The following ABCA10 variants were observed in gnomAD, a reference collection of about 807,000 sequenced individuals.
ABCA10 encodes ATP binding cassette subfamily A member 10, also known as ATP-binding cassette sub-family A member 10.
Under a neutral mutation model 187.5 loss-of-function variants are expected in ABCA10, and 169 were observed. The ratio of observed to expected loss-of-function variants is 0.90; its 90% CI spans 0.80 to 1.02. ABCA10 has a LOEUF of 1.02. ABCA10 is among the 50% of genes least tolerant of loss of function. The pLI is 0.00. For missense variants in ABCA10, 1,727 were observed against 1,812.4 expected, an observed-to-expected ratio of 0.95 and a Z score of 0.86; for synonymous variants, 574 against 601.8, an observed-to-expected ratio of 0.95 and a Z score of 0.68.
rs755937158 is a variant in ABCA10, at chr17:69,153,986, T to C, written c.3810A>G (p.Ala1270=). ...TGTTGTCATGCTGTTGCCTTACTGA[T>C]GCTCTGCTGCCTTGTAACACCACCT... The part of the protein sequence containing the change: ...AGVVVLQGSR[A]SVRQQHDNSL... Residue 1270 remains alanine, a synonymous_variant, in exon 32 of 39, where the codon GCA becomes GCG. Coordinates refer to ENST00000690296, the MANE Select transcript of ABCA10 (RefSeq NM_001377321.1). 6 of 1,613,824 alleles carry C rather than the reference T, an allele frequency of 3.7e-6. No homozygotes were observed. In the African/African-American group the frequency reaches 8.0e-5, roughly 22 times the overall value.
chr17:69,223,919 T>G (rs1468513), intron 3 of ABCA10, among the ~76,000 whole-genome samples: 83,841 of 151,980 alleles, frequency 0.55, 24,932 homozygotes, highest in Non-Finnish European at 0.68. Flanking sequence ...GCTTACACTG[T>G]GCATACAGGA....
chr17:69,205,598 T>C (rs565165130), intron 9 of ABCA10, among the ~76,000 whole-genome samples: 1 of 152,358 alleles, frequency 6.6e-6, no homozygotes, highest in South Asian at 2.1e-4. Flanking sequence ...GCTAAGTGTG[T>C]TCTTGGCCAG....
chr17:69,192,942 G>T (rs962182607), intron 15 of ABCA10, among the ~76,000 whole-genome samples, 168 bp downstream of exon 15: 1 of 152,176 alleles, frequency 6.6e-6, no homozygotes, highest in African/African-American at 2.4e-5. Context: ...AACTTTGCAG[G>T]GTTACACCCC....
chr17:69,214,922 A>T (rs1343967139), intron 8 of ABCA10, 71 bp from the exon 9 acceptor site: 23 of 1,114,778 alleles, frequency 2.1e-5, no homozygotes, highest in South Asian at 1.8e-4. Flanking sequence ...TTTTTTAAAA[A>T]ATAGTGGTAC....
In ABCA10 at chr17:69,188,478, C is replaced by T. The variant is rs545386431; in HGVS notation, c.2132-599G>A. Among the ~76,000 whole-genome samples the T allele has an allele frequency of 4.0e-5, 6 of 150,796 alleles. No individual in the cohort carries two copies. The South Asian group carries it at 8.5e-4, about 21-fold the overall frequency. On this transcript the variant is annotated intron_variant, in intron 18 of 38. Transcript: ENST00000690296. The stretch of plus-strand genomic sequence containing the variant: ...ATAATTCAAGGACTGAGTACAATGG[C>T]TGGTATCTAGTAGCCTCCTAAATTC...
intron 20 of ABCA10, among the ~76,000 whole-genome samples, chr17:69,184,669 A>G (rs2074406159): frequency 6.6e-6 from 1 of 152,134 alleles, no homozygotes; most frequent in South Asian, 2.1e-4. Flanking sequence ...ACTAAAAGTA[A>G]GTCTACCGAT....
At chr17:69,184,697 T>C (rs1222482454) in intron 20 of ABCA10, among the ~76,000 whole-genome samples, 5 of 151,988 alleles carry the variant, frequency 3.3e-5, no homozygotes, top group African/African-American at 1.2e-4. Flanking sequence ...GCAATTCCAC[T>C]CCTGGGCATC....
At chr17:69,210,828 ATGCCACATATT>A (rs1316424630) in intron 9 of ABCA10, among the ~76,000 whole-genome samples, 7 of 128,006 alleles carry the variant, frequency 5.5e-5, no homozygotes, top group South Asian at 2.3e-4. Context: ...ATATATATAT[ATGCCACATATT>A]TATGCCACAT....
At chr17:69,217,323 C>T (rs2074713979) in intron 6 of ABCA10, among the ~76,000 whole-genome samples, 1 of 151,576 alleles carries the variant, frequency 6.6e-6, no homozygotes, top group Admixed American at 6.6e-5. Flanking sequence ...GTAGCCAAAA[C>T]ATTGTTGCTT....
rs747669759 is a variant in ABCA10, at chr17:69,175,429, T to C, written c.2854A>G (p.Met952Val). ...ITNCVSPFIG[M>V]SSISDYKKNV... ...ACTTTATAATCGCTGATGCTGCTCA[T>C]GCCGATAAAAGGAGAAACGCAGTTT... Residue 952 changes from methionine to valine, a missense_variant, in exon 23 of 39, where the codon ATG becomes GTG. Coordinates refer to ENST00000690296, the MANE Select transcript of ABCA10 (RefSeq NM_001377321.1). 1.2e-6 allele frequency: 2 copies of C among 1,611,880 alleles called. No homozygotes were observed. Among genetic ancestry groups the C allele is most frequent in the South Asian group, 1.1e-5 (1 of 90,874 alleles).
chr17:69,209,653 A>G (rs1486820607), intron 9 of ABCA10, among the ~76,000 whole-genome samples: 2 of 152,234 alleles, frequency 1.3e-5, no homozygotes, highest in Non-Finnish European at 1.5e-5. Flanking sequence ...TGAGGAAAAC[A>G]TAGATTTTTT....
At chr17:69,155,245 G>C (rs968991993) in intron 29 of ABCA10, 109 bp from the exon 30 acceptor site, 7 of 801,076 alleles carry the variant, frequency 8.7e-6, no homozygotes, top group Non-Finnish European at 1.4e-5. Context: ...TTTAATGCCA[G>C]GCTGAAGAGC....
chr17:69,168,993 A>G (rs1262903308), intron 25 of ABCA10, among the ~76,000 whole-genome samples: 1 of 152,244 alleles, frequency 6.6e-6, no homozygotes, highest in Non-Finnish European at 1.5e-5. Context: ...ATACAGAAGA[A>G]GAGGATAATA....
intron 9 of ABCA10, among the ~76,000 whole-genome samples, chr17:69,214,121 C>G (rs2074682509): frequency 6.6e-6 from 1 of 152,210 alleles, no homozygotes; most frequent in South Asian, 2.1e-4. Context: ...TTTCCTCCCT[C>G]TCTCAAACTA....
At chr17:69,202,242 T>C (rs1254178634) in intron 9 of ABCA10, among the ~76,000 whole-genome samples, 1 of 152,160 alleles carries the variant, frequency 6.6e-6, no homozygotes, top group Non-Finnish European at 1.5e-5. Context: ...ACTTCACTTT[T>C]TGGATTTCCA....
In ABCA10 at chr17:69,153,415, C is replaced by T. The variant is rs201564034; in HGVS notation, c.4042-16G>A. On this transcript the variant is annotated splice_polypyrimidine_tract_variant and intron_variant, in intron 33 of 38. Coordinates refer to ENST00000690296, the MANE Select transcript of ABCA10 (RefSeq NM_001377321.1). ...CAAAGCACAGCTGCAATGCAAGGAA[C>T]AGCCCGTCGGCACCCAGCCATGGGT... 8.7e-6 allele frequency: 14 copies of T among 1,613,538 alleles called. No individual in the cohort carries two copies. The African/African-American group carries it at 1.9e-4, about 22-fold the overall frequency.
chr17:69,194,353 A>T, intron 12 of ABCA10, 32 bp downstream of exon 12: 1 of 1,566,582 alleles, frequency 6.4e-7, no homozygotes, highest in Non-Finnish European at 8.8e-7. Context: ...TTGCTTTTTC[A>T]GCCAACTTAC....
At chr17:69,225,916 T>C (rs1000399354) in intron 2 of ABCA10, among the ~76,000 whole-genome samples, 3 of 152,014 alleles carry the variant, frequency 2.0e-5, no homozygotes, top group East Asian at 3.8e-4. Flanking sequence ...ACAAAAAATA[T>C]AGATGATAAA....
At chr17:69,215,002 G>T in intron 8 of ABCA10, 151 bp from the exon 9 acceptor site, 1 of 523,894 alleles carries the variant, frequency 1.9e-6, no homozygotes, top group Non-Finnish European at 3.0e-6. Context: ...TAGTATTGTT[G>T]CTTTTTAAAA....
Sources: allele counts gnomAD v4.1 joint callset (sites outside exome capture counted in the v4.1 genomes callset), GRCh38; gene constraint gnomAD v4.1.1; transcripts MANE v1.5; gene names NCBI Gene and HGNC (gene_info 2026-07-23, HGNC 2026-07-21).